KCNH5: variants seen among roughly 807,000 people sequenced by gnomAD.
KCNH5 encodes voltage-gated delayed rectifier potassium channel KCNH5.
In KCNH5, 46 loss-of-function variants were observed where a neutral mutation model predicts 96.1. The observed-to-expected ratio is 0.48, with a 90% CI of 0.38 to 0.61. The LOEUF is 0.61. Ranked by LOEUF, KCNH5 falls within the 20% of genes least tolerant of loss-of-function variation. The pLI is 0.00. For missense variants in KCNH5, 907 were observed against 1,225.8 expected, an observed-to-expected ratio of 0.74 and a Z score of 3.88; for synonymous variants, 439 against 449.8, an observed-to-expected ratio of 0.98 and a Z score of 0.30.
chr14:62,879,654 C>T lies in KCNH5; in HGVS notation c.1370-29802G>A, dbSNP rs188700003. On this transcript the variant is annotated intron_variant, in intron 7 of 10. Transcript: ENST00000322893. ...CCAATTTTTATATTACTATCTGTAGCGTGATACAGTTATCTTACTCTGCTC... is the reference window on the plus strand; with the variant it reads ...CCAATTTTTATATTACTATCTGTAGTGTGATACAGTTATCTTACTCTGCTC... 4.6e-5 allele frequency among the ~76,000 whole-genome samples: 7 copies of T among 152,210 alleles called. No homozygotes were observed. In the East Asian group the frequency reaches 5.8e-4, roughly 13 times the overall value.
At chr14:62,993,092 C>A (rs1411451337) in intron 4 of KCNH5, among the ~76,000 whole-genome samples, 2 of 152,046 alleles carry the variant, frequency 1.3e-5, no homozygotes, top group Non-Finnish European at 1.5e-5. Context: ...AATATATGTT[C>A]TTATTGGCTT....
At chr14:62,896,970 A>G (rs1270515306) in intron 7 of KCNH5, among the ~76,000 whole-genome samples, 1 of 152,218 alleles carries the variant, frequency 6.6e-6, no homozygotes, top group African/African-American at 2.4e-5. Flanking sequence ...TATACATAAC[A>G]AGCAGCCTGC....
chr14:62,775,648 A>G (rs757003791), intron 10 of KCNH5, among the ~76,000 whole-genome samples: 2 of 152,024 alleles, frequency 1.3e-5, no homozygotes, highest in Non-Finnish European at 2.9e-5. Flanking sequence ...GGCATTTTCC[A>G]TCTCATAACC....
chr14:62,980,855 CA>C lies in KCNH5; in HGVS notation c.942+16del, dbSNP rs761322780. ...ATATGACCCACAGTACTCAGAAAAC[CA>C]AAACGAAAAACTTACCTCATCCACA... On this transcript the variant is annotated intron_variant, in intron 6 of 10. Coordinates refer to ENST00000322893, the MANE Select transcript of KCNH5 (RefSeq NM_139318.5). 4 of 1,610,798 alleles carry C rather than the reference CA, an allele frequency of 2.5e-6. No individual in the cohort carries two copies. The highest frequency in any genetic ancestry group is 3.4e-6 in the Non-Finnish European group (4 of 1,179,272).
intron 10 of KCNH5, among the ~76,000 whole-genome samples, chr14:62,717,300 T>C (rs1399192891): frequency 2.6e-5 from 4 of 152,114 alleles, no homozygotes; most frequent in African/African-American, 9.7e-5. Context: ...AAATTTTAGA[T>C]GAAAATGCAA....
At chr14:62,724,201 C>T (rs1374156327) in intron 10 of KCNH5, among the ~76,000 whole-genome samples, 1 of 152,186 alleles carries the variant, frequency 6.6e-6, no homozygotes, top group Non-Finnish European at 1.5e-5. Flanking sequence ...AATTTGATAA[C>T]TTCCTTTGCC....
At chr14:62,853,640 T>C (rs1887869005) in intron 7 of KCNH5, among the ~76,000 whole-genome samples, 1 of 151,666 alleles carries the variant, frequency 6.6e-6, no homozygotes, top group Non-Finnish European at 1.5e-5. Context: ...GCCCCTTTAC[T>C]AGCTGTTCCT....
At chr14:62,875,632 C>T (rs535145884) in intron 7 of KCNH5, among the ~76,000 whole-genome samples, 14 of 152,256 alleles carry the variant, frequency 9.2e-5, no homozygotes, top group African/African-American at 1.4e-4. Flanking sequence ...AAGACAGTGG[C>T]GATTCCTCAA....
At chr14:62,819,709 A>G (rs951633494) in intron 8 of KCNH5, among the ~76,000 whole-genome samples, 1 of 152,228 alleles carries the variant, frequency 6.6e-6, no homozygotes, top group Non-Finnish European at 1.5e-5. Flanking sequence ...CAGAGGACAT[A>G]AAAATACTTT....
intron 6 of KCNH5, among the ~76,000 whole-genome samples, chr14:62,952,036 T>G (rs943560260): frequency 2.0e-5 from 3 of 150,570 alleles, no homozygotes; most frequent in African/African-American, 7.3e-5. Context: ...TAAGACAGCA[T>G]GTGTTTGAAA....
intron 4 of KCNH5, among the ~76,000 whole-genome samples, chr14:62,998,099 C>T (rs1167441378): frequency 1.3e-5 from 2 of 151,970 alleles, no homozygotes; most frequent in African/African-American, 4.8e-5. Flanking sequence ...ACCAATGAAA[C>T]CATCTGCATC....
At chr14:62,936,344 A>G (rs1432106738) in intron 7 of KCNH5, among the ~76,000 whole-genome samples, 3 of 152,152 alleles carry the variant, frequency 2.0e-5, no homozygotes, top group Non-Finnish European at 4.4e-5. Flanking sequence ...GAAGAGAAAG[A>G]GCCAGTAGAG....
At chr14:62,749,266 C>T (rs966897546) in intron 10 of KCNH5, among the ~76,000 whole-genome samples, 1 of 152,148 alleles carries the variant, frequency 6.6e-6, no homozygotes, top group Admixed American at 6.5e-5. Flanking sequence ...GAACAGGAGT[C>T]GAAGGTCACT....
At chr14:62,853,466 T>TATATG (rs200502135) in intron 7 of KCNH5, among the ~76,000 whole-genome samples, 3,630 of 125,460 alleles carry the variant, frequency 0.029, 278 homozygotes, top group African/African-American at 0.1. Context: ...CATATATATA[T>TATATG]ATATATATAT....
intron 7 of KCNH5, among the ~76,000 whole-genome samples, chr14:62,908,780 G>GCATTT (rs1889081292): frequency 1.0e-4 from 2 of 19,806 alleles, no homozygotes; most frequent in South Asian, 4.3e-3. Context: ...ATTTTGCTTT[G>GCATTT]TATTTTTTTT....
chr14:62,719,569 T>A (rs1042264992), intron 10 of KCNH5, among the ~76,000 whole-genome samples: 1 of 152,196 alleles, frequency 6.6e-6, no homozygotes, highest in Non-Finnish European at 1.5e-5. Context: ...AAAGAAGATT[T>A]GTAGACAAAA....
rs1886730619 is a variant in KCNH5, at chr14:62,804,726, A to C, written c.1570-2145T>G. 1.3e-5 allele frequency among the ~76,000 whole-genome samples: 2 copies of C among 152,176 alleles called. 1 individual carries two copies. Among genetic ancestry groups the C allele is most frequent in the South Asian group, 4.1e-4 (2 of 4,824 alleles). ...AATTCCTCTAAACCTCATCTGTGAA[A>C]TGGGGATAATGATAGTGCTTATATC... On this transcript the variant is annotated intron_variant, in intron 8 of 10. Coordinates refer to ENST00000322893, the MANE Select transcript of KCNH5 (RefSeq NM_139318.5).
intron 7 of KCNH5, among the ~76,000 whole-genome samples, chr14:62,851,253 T>C (rs2140046956): frequency 6.6e-6 from 1 of 152,250 alleles, no homozygotes; most frequent in Non-Finnish European, 1.5e-5. Context: ...TGTTGACATT[T>C]CCCAAGTGAG....
At chr14:62,943,607 C>T (rs1889831069) in intron 7 of KCNH5, among the ~76,000 whole-genome samples, 2 of 152,138 alleles carry the variant, frequency 1.3e-5, no homozygotes, top group Admixed American at 1.3e-4. Context: ...TACATACATA[C>T]TATTTTCTAC....
Sources: allele counts gnomAD v4.1 joint callset (sites outside exome capture counted in the v4.1 genomes callset), GRCh38; gene constraint gnomAD v4.1.1; transcripts MANE v1.5; gene names NCBI Gene and HGNC (gene_info 2026-07-23, HGNC 2026-07-21).